LDB2: variants seen among roughly 807,000 people sequenced by gnomAD.
LDB2 encodes LIM domain-binding protein 2.
Under a neutral mutation model 44.3 loss-of-function variants are expected in LDB2, and 12 were observed. That is an observed-to-expected ratio of 0.27 (90% confidence interval 0.17 to 0.44). The LOEUF (loss-of-function observed/expected upper bound fraction) is 0.44. Ranked by LOEUF, LDB2 falls within the 20% of genes least tolerant of loss-of-function variation. LDB2 has a pLI of 1.00. For missense variants in LDB2, 344 were observed against 473.5 expected (o/e 0.73, Z 2.54); for synonymous variants, 164 against 174.8 (o/e 0.94, Z 0.49).
At chr4:16,569,180 A>G (rs375211754) in intron 5 of LDB2, among the ~76,000 whole-genome samples, 2 of 152,184 alleles carry the variant, frequency 1.3e-5, no homozygotes, top group African/African-American at 4.8e-5. Flanking sequence ...TTGGAAGAGG[A>G]AGGATAAAAA....
rs1727360108 is a variant in LDB2 at position 16,616,450 on chromosome 4, C to T, written c.236-20575G>A. Among the ~76,000 whole-genome samples, 3 of 152,100 alleles carry T rather than the reference C, an allele frequency of 2.0e-5. No individual in the cohort carries two copies. The South Asian group carries it at 6.2e-4, about 32-fold the overall frequency. On this transcript the variant is annotated intron_variant, in intron 2 of 7. Transcript: ENST00000304523. ...GGAAAGAAGGAAAGAAGGGTCAATGCATTCCCAAGCAGAGGTGCTGAGAAT... is the reference window on the plus strand; with the variant it reads ...GGAAAGAAGGAAAGAAGGGTCAATGTATTCCCAAGCAGAGGTGCTGAGAAT...
chr4:16,685,831 T>C (rs1375460612), intron 2 of LDB2, among the ~76,000 whole-genome samples: 1 of 152,044 alleles, frequency 6.6e-6, no homozygotes, highest in Non-Finnish European at 1.5e-5. Context: ...GGTGAATCAT[T>C]TGAGGTCAGG....
At chr4:16,700,965 A>G (rs1371624905) in intron 2 of LDB2, among the ~76,000 whole-genome samples, 1 of 152,198 alleles carries the variant, frequency 6.6e-6, no homozygotes, top group East Asian at 1.9e-4. Flanking sequence ...TGTGTTTTAC[A>G]TATATGAACT....
Position 16,527,376 on chromosome 4 carries a change from G to A in LDB2, c.616-15272C>T, listed in dbSNP as rs769536369. 3.9e-5 allele frequency among the ~76,000 whole-genome samples: 6 copies of A among 152,040 alleles called. No homozygotes were observed. The South Asian group carries it at 1.0e-3, about 26-fold the overall frequency. The stretch of plus-strand genomic sequence containing the variant: ...AAAGTAATTGAGGTTTTTACAATGC[G>A]ATGCCACCTTACTCCCGGAAGAATG... On this transcript the variant is annotated intron_variant, in intron 5 of 7. Coordinates refer to ENST00000304523, the MANE Select transcript of LDB2 (RefSeq NM_001290.5).
At chr4:16,703,395 A>T (rs1753923776) in intron 2 of LDB2, among the ~76,000 whole-genome samples, 1 of 152,230 alleles carries the variant, frequency 6.6e-6, no homozygotes, top group African/African-American at 2.4e-5. Flanking sequence ...AGGTAGACAG[A>T]GAGCTTCCTG....
At chr4:16,609,359 G>GGA (rs1210368163) in intron 2 of LDB2, among the ~76,000 whole-genome samples, 13 of 147,500 alleles carry the variant, frequency 8.8e-5, no homozygotes, top group Admixed American at 3.3e-4. Flanking sequence ...GGCGGGGGGG[G>GGA]GAGGGGAAGG....
chr4:16,828,424 T>C (rs1783452853), intron 1 of LDB2, among the ~76,000 whole-genome samples: 1 of 152,192 alleles, frequency 6.6e-6, no homozygotes, highest in Non-Finnish European at 1.5e-5. Flanking sequence ...TGTGCTTTTC[T>C]GGATACCTCT....
At chr4:16,846,868 T>C (rs1787122350) in intron 1 of LDB2, among the ~76,000 whole-genome samples, 1 of 152,222 alleles carries the variant, frequency 6.6e-6, no homozygotes, top group African/African-American at 2.4e-5. Context: ...CTGTGGATTT[T>C]TGATATCAAA....
intron 2 of LDB2, among the ~76,000 whole-genome samples, chr4:16,669,539 C>T (rs1342009843): frequency 6.6e-6 from 1 of 152,206 alleles, no homozygotes; most frequent in Non-Finnish European, 1.5e-5. Context: ...ACTTAAAAAG[C>T]ATCTCATATA....
At chr4:16,531,070 G>T (rs1431183052) in intron 5 of LDB2, among the ~76,000 whole-genome samples, 1 of 152,194 alleles carries the variant, frequency 6.6e-6, no homozygotes, top group Non-Finnish European at 1.5e-5. Flanking sequence ...GTGGAACCAG[G>T]TTTCAGTGTA....
chr4:16,590,398 A>G (rs780592925), intron 3 of LDB2, among the ~76,000 whole-genome samples: 3 of 152,256 alleles, frequency 2.0e-5, no homozygotes, highest in Non-Finnish European at 4.4e-5. Context: ...GTAAAACTAT[A>G]GTCCACGAAG....
intron 2 of LDB2, among the ~76,000 whole-genome samples, chr4:16,696,145 G>T (rs141357207): frequency 2.6e-5 from 4 of 152,258 alleles, no homozygotes; most frequent in African/African-American, 9.6e-5. Flanking sequence ...GGGGAAAAAG[G>T]ACTTCTCTGT....
At chr4:16,798,929 C>A (rs1308155424) in intron 1 of LDB2, among the ~76,000 whole-genome samples, 1 of 152,174 alleles carries the variant, frequency 6.6e-6, no homozygotes, top group African/African-American at 2.4e-5. Context: ...TGGCTCACTG[C>A]AAACTCCGCC....
chr4:16,862,154 G>A (rs1262120740), intron 1 of LDB2, among the ~76,000 whole-genome samples: 1 of 152,158 alleles, frequency 6.6e-6, no homozygotes, highest in Non-Finnish European at 1.5e-5. Flanking sequence ...CAATCTCTGG[G>A]CTATATCTTC....
intron 5 of LDB2, among the ~76,000 whole-genome samples, chr4:16,554,647 T>C (rs1431710027): frequency 1.3e-5 from 2 of 152,182 alleles, no homozygotes; most frequent in African/African-American, 4.8e-5. Flanking sequence ...TGTAAATGCA[T>C]ATTGCTAAGT....
At chr4:16,857,574 C>G (rs1032540166) in intron 1 of LDB2, among the ~76,000 whole-genome samples, 5 of 152,172 alleles carry the variant, frequency 3.3e-5, no homozygotes, top group African/African-American at 1.2e-4. Flanking sequence ...CTCCTGTCCC[C>G]GGACTGCCCT....
intron 5 of LDB2, among the ~76,000 whole-genome samples, chr4:16,569,652 CTCCATCCCTCCATCCATCCATCCATCCG>C (rs1414038502): frequency 6.6e-6 from 1 of 152,134 alleles, no homozygotes; most frequent in Non-Finnish European, 1.5e-5. Context: ...CTGGGTCAGC[CTCCATCCCTCCATCCATCCATCCATCCG>C]TCCATCCATC....
At chr4:16,675,209 T>C (rs1745963932) in intron 2 of LDB2, among the ~76,000 whole-genome samples, 1 of 152,224 alleles carries the variant, frequency 6.6e-6, no homozygotes, top group Admixed American at 6.5e-5. Context: ...TAGTACAAGA[T>C]GACAACCAAG....
chr4:16,814,493 C>T (rs1364299203), intron 1 of LDB2, among the ~76,000 whole-genome samples: 1 of 151,980 alleles, frequency 6.6e-6, no homozygotes, highest in Non-Finnish European at 1.5e-5. Flanking sequence ...TCCCAACTCC[C>T]CCAAGCCTGA....
Sources: gnomAD v4.1 joint callset for allele counts (sites outside exome capture counted in the v4.1 genomes callset) on GRCh38, gnomAD v4.1.1 for gene constraint, MANE v1.5 for transcripts, NCBI Gene and HGNC (gene_info 2026-07-23, HGNC 2026-07-21) for gene names.